The following KCNB2 variants were observed in gnomAD, a reference collection of about 807,000 sequenced individuals.
KCNB2 encodes the protein delayed rectifier potassium channel protein.
In KCNB2, 15 loss-of-function variants were observed where a neutral mutation model predicts 61.5. That is an observed-to-expected ratio of 0.24 (90% CI 0.16 to 0.38). KCNB2 has a LOEUF of 0.38. Among genes scored for constraint, KCNB2 ranks in the 10% least tolerant of loss-of-function variants. KCNB2 has a pLI of 1.00. For synonymous variants in KCNB2, 457 were observed against 446.0 expected (o/e 1.02, Z -0.31); for missense variants, 828 against 1,125.2 (o/e 0.74, Z 3.78).
chr8:72,699,364 A>C (rs1346944197), intron 2 of KCNB2, among the ~76,000 whole-genome samples: 4 of 151,794 alleles, frequency 2.6e-5, no homozygotes, highest in Admixed American at 2.0e-4. Flanking sequence ...GCTTTTTTTC[A>C]TATGTTTGTT....
intron 1 of KCNB2, among the ~76,000 whole-genome samples, chr8:72,556,039 T>G (rs1049335473): frequency 2.0e-5 from 3 of 152,132 alleles, no homozygotes; most frequent in Non-Finnish European, 2.9e-5. Context: ...TATTATGATT[T>G]TCCACACTGT....
intron 2 of KCNB2, among the ~76,000 whole-genome samples, chr8:72,684,687 G>T (rs1806821368): frequency 1.3e-5 from 2 of 152,134 alleles, no homozygotes; most frequent in Non-Finnish European, 2.9e-5. Flanking sequence ...GAATATGTTA[G>T]ATTTAAAAAG....
chr8:72,722,235 G>A (rs1807562900), intron 2 of KCNB2, among the ~76,000 whole-genome samples: 1 of 152,020 alleles, frequency 6.6e-6, no homozygotes, highest in Non-Finnish European at 1.5e-5. Flanking sequence ...ACATTCTCTG[G>A]CCCCCCTTCC....
chr8:72,616,689 G>C (rs1038001136), intron 2 of KCNB2, among the ~76,000 whole-genome samples: 3 of 152,176 alleles, frequency 2.0e-5, no homozygotes, highest in African/African-American at 4.8e-5. Context: ...TTTATTTACT[G>C]TCTTCCTCTT....
chr8:72,769,417 CA>C (rs371731956), intron 2 of KCNB2, among the ~76,000 whole-genome samples: 1 of 151,700 alleles, frequency 6.6e-6, no homozygotes, highest in African/African-American at 2.4e-5. Context: ...GATAAACAAA[CA>C]AAAAAAATTG....
intron 2 of KCNB2, among the ~76,000 whole-genome samples, chr8:72,664,890 C>T (rs976021400): frequency 1.4e-4 from 22 of 152,096 alleles, no homozygotes; most frequent in Admixed American, 7.9e-4. Flanking sequence ...CAAACCATGT[C>T]GAGATAGGCT....
At chr8:72,654,028 G>C (rs1230142992) in intron 2 of KCNB2, among the ~76,000 whole-genome samples, 1 of 152,106 alleles carries the variant, frequency 6.6e-6, no homozygotes, top group Non-Finnish European at 1.5e-5. Flanking sequence ...GCACTTTTTA[G>C]ATCACAAATT....
At chr8:72,634,144 G>A (rs1193175495) in intron 2 of KCNB2, among the ~76,000 whole-genome samples, 1 of 152,200 alleles carries the variant, frequency 6.6e-6, no homozygotes, top group Non-Finnish European at 1.5e-5. Flanking sequence ...CCAAATGTAA[G>A]AAAACTTGAA....
At chr8:72,682,612 A>AG (rs1806779624) in intron 2 of KCNB2, among the ~76,000 whole-genome samples, 1 of 150,512 alleles carries the variant, frequency 6.6e-6, no homozygotes, top group African/African-American at 2.4e-5. Flanking sequence ...AAAAAAAAAA[A>AG]GGAGAGGATT....
At chr8:72,605,639 G>A (rs1034584981) in intron 2 of KCNB2, among the ~76,000 whole-genome samples, 2 of 152,136 alleles carry the variant, frequency 1.3e-5, no homozygotes, top group African/African-American at 4.8e-5. Context: ...GCTGTAAAAA[G>A]TGCTTCAGCC....
chr8:72,858,247 A>T (rs13281472), intron 2 of KCNB2, among the ~76,000 whole-genome samples: 1 of 152,074 alleles, frequency 6.6e-6, no homozygotes, highest in African/African-American at 2.4e-5. Context: ...AACATTTTTT[A>T]AAGTATAATA....
chr8:72,900,089 T>G (rs145814831), intron 2 of KCNB2, among the ~76,000 whole-genome samples: 6 of 152,228 alleles, frequency 3.9e-5, no homozygotes, highest in African/African-American at 1.2e-4. Flanking sequence ...GCTACCTGAC[T>G]TCAAACTATA....
chr8:72,698,582 C>T lies in KCNB2; in HGVS notation c.579+130269C>T, dbSNP rs189342954. On this transcript the variant is annotated intron_variant, in intron 2 of 2. Transcript: ENST00000523207. ...GCAATCTTAAGCAAAAAGAACAAAT[C>T]CAGAGATATCACATTACCCGACCTC... 2.1e-3 allele frequency among the ~76,000 whole-genome samples: 321 copies of T among 152,158 alleles called. 3 individuals carry two copies. The highest frequency in any genetic ancestry group is 7.3e-3 in the African/African-American group (302 of 41,522).
chr8:72,654,381 C>A (rs570822731), intron 2 of KCNB2, among the ~76,000 whole-genome samples: 1 of 152,238 alleles, frequency 6.6e-6, no homozygotes, highest in Admixed American at 6.6e-5. Flanking sequence ...GAAAGAGTGA[C>A]AGCTATTTCA....
chr8:72,863,435 C>T (rs1217470737), intron 2 of KCNB2, among the ~76,000 whole-genome samples: 1 of 152,144 alleles, frequency 6.6e-6, no homozygotes, highest in African/African-American at 2.4e-5. Context: ...TCAGAATTCA[C>T]ACCAGATTAT....
At chr8:72,821,361 T>G (rs1010398178) in intron 2 of KCNB2, among the ~76,000 whole-genome samples, 1 of 152,072 alleles carries the variant, frequency 6.6e-6, no homozygotes, top group Non-Finnish European at 1.5e-5. Context: ...CTGTACAACA[T>G]TTGCAGGGGT....
intron 2 of KCNB2, among the ~76,000 whole-genome samples, chr8:72,598,552 G>A (rs1320325254): frequency 6.6e-6 from 1 of 152,134 alleles, no homozygotes; most frequent in Non-Finnish European, 1.5e-5. Flanking sequence ...AGACAAGAAT[G>A]CCCTCTCTCA....
At chr8:72,763,895 G>T (rs1808423074) in intron 2 of KCNB2, among the ~76,000 whole-genome samples, 1 of 152,174 alleles carries the variant, frequency 6.6e-6, no homozygotes, top group Non-Finnish European at 1.5e-5. Flanking sequence ...TGGGGAAGGA[G>T]CTGGGCTTTG....
chr8:72,850,643 G>A (rs140362361), intron 2 of KCNB2, among the ~76,000 whole-genome samples: 3 of 152,142 alleles, frequency 2.0e-5, no homozygotes, highest in Admixed American at 6.5e-5. Context: ...CTTTTATGGG[G>A]TGTGGTACTC....
Sources: allele counts gnomAD v4.1 joint callset (sites outside exome capture counted in the v4.1 genomes callset), GRCh38; gene constraint gnomAD v4.1.1; transcripts MANE v1.5; gene names NCBI Gene and HGNC (gene_info 2026-07-23, HGNC 2026-07-21).